The following SRPK2 variants were observed in gnomAD, a reference collection of about 807,000 sequenced individuals.
The protein encoded by SRPK2 is SFRS protein kinase 2.
In SRPK2, 21 loss-of-function variants were observed where a neutral mutation model predicts 90.8. That is an observed-to-expected ratio of 0.23 (90% CI 0.16 to 0.33). The LOEUF (loss-of-function observed/expected upper bound fraction) is 0.33. Ranked by LOEUF, SRPK2 falls within the 10% of genes least tolerant of loss-of-function variation. SRPK2 has a pLI of 1.00. For missense variants in SRPK2, 620 were observed against 869.0 expected (o/e 0.71, Z 3.60); for synonymous variants, 288 against 311.1 (o/e 0.93, Z 0.78).
intron 11 of SRPK2, among the ~76,000 whole-genome samples, chr7:105,133,912 A>G (rs1562966195): frequency 6.6e-6 from 1 of 152,090 alleles, no homozygotes; most frequent in Non-Finnish European, 1.5e-5. Flanking sequence ...TTCTCAAACA[A>G]GTTCAGATCA....
chr7:105,355,675 A>C (rs1223740169), intron 2 of SRPK2, among the ~76,000 whole-genome samples: 1 of 152,116 alleles, frequency 6.6e-6, no homozygotes, highest in African/African-American at 2.4e-5. Context: ...AGAAAATCCA[A>C]ATCAACCCTG....
intron 2 of SRPK2, among the ~76,000 whole-genome samples, chr7:105,383,052 AATTTTTTTTTTTTTT>A (rs1821134454): frequency 1.9e-5 from 2 of 105,322 alleles, no homozygotes; most frequent in African/African-American, 3.8e-5. Flanking sequence ...CAAAAGTAAA[AATTTTTTTTTTTTTT>A]TTTTTTTTTT....
rs73405842 is a variant in SRPK2 at position 105,197,522 on chromosome 7, C to T, written c.229+6106G>A. Among the ~76,000 whole-genome samples, 442 of 152,252 alleles carry T rather than the reference C, an allele frequency of 2.9e-3. 2 individuals are homozygous for T. Among genetic ancestry groups the T allele is most frequent in the African/African-American group, 0.01 (426 of 41,540 alleles). ...CTGAACATCAGCACTCTGCCTATCC[C>T]GTACTTGCAACCCAACACTAGAGAA... On this transcript the variant is annotated intron_variant, in intron 3 of 15. Coordinates refer to ENST00000393651, the MANE Select transcript of SRPK2 (RefSeq NM_182692.3).
chr7:105,336,930 T>C (rs765224756), intron 2 of SRPK2, among the ~76,000 whole-genome samples: 3 of 151,934 alleles, frequency 2.0e-5, no homozygotes, highest in African/African-American at 7.2e-5. Flanking sequence ...GCCTCCCAAG[T>C]AGCTGGGATT....
chr7:105,287,410 C>G (rs1400081869), intron 2 of SRPK2, among the ~76,000 whole-genome samples: 1 of 151,334 alleles, frequency 6.6e-6, no homozygotes, highest in Non-Finnish European at 1.5e-5. Context: ...GGTACATATA[C>G]ATGTGTATAT....
At chr7:105,168,613 G>GT (rs1256643538) in intron 4 of SRPK2, among the ~76,000 whole-genome samples, 1 of 151,734 alleles carries the variant, frequency 6.6e-6, no homozygotes, top group South Asian at 2.1e-4. Flanking sequence ...GTTTTGTTTT[G>GT]TTTTTTCCCT....
intron 11 of SRPK2, 47 bp downstream of exon 11, chr7:105,141,961 T>A: frequency 6.4e-7 from 1 of 1,569,020 alleles, no homozygotes; most frequent in East Asian, 2.2e-5. Flanking sequence ...TAAAGGCACG[T>A]CCCTGGAGTC....
chr7:105,260,305 G>C (rs1004026846), intron 2 of SRPK2, among the ~76,000 whole-genome samples: 63 of 152,204 alleles, frequency 4.1e-4, no homozygotes, highest in African/African-American at 1.5e-3. Flanking sequence ...CTGGTCATCA[G>C]AGAAATGCAA....
chr7:105,346,759 A>G (rs1816506858), intron 2 of SRPK2, among the ~76,000 whole-genome samples: 1 of 151,928 alleles, frequency 6.6e-6, no homozygotes, highest in Admixed American at 6.6e-5. Context: ...CTCCATCTCA[A>G]AAAAAACAAG....
At chr7:105,175,277 C>T (rs979204935) in intron 3 of SRPK2, among the ~76,000 whole-genome samples, 19 of 151,638 alleles carry the variant, frequency 1.3e-4, no homozygotes, top group Admixed American at 1.2e-3. Flanking sequence ...CAAAAATAAC[C>T]CATGGGATAA....
intron 13 of SRPK2, among the ~76,000 whole-genome samples, chr7:105,129,668 CTGGGCCTAAGT>C (rs1341915077): frequency 3.3e-5 from 5 of 152,194 alleles, no homozygotes; most frequent in Non-Finnish European, 7.3e-5. Flanking sequence ...CATCACCTCG[CTGGGCCTAAGT>C]ATAATCTTTA....
intron 2 of SRPK2, among the ~76,000 whole-genome samples, chr7:105,338,491 A>G (rs376457294): frequency 1.9e-4 from 29 of 152,252 alleles, no homozygotes; most frequent in African/African-American, 6.7e-4. Flanking sequence ...AGGTGGATCC[A>G]CCTCAGGTGA....
At chr7:105,325,289 C>G (rs1726032532) in intron 2 of SRPK2, among the ~76,000 whole-genome samples, 1 of 152,094 alleles carries the variant, frequency 6.6e-6, no homozygotes, top group South Asian at 2.1e-4. Flanking sequence ...AAACACATTT[C>G]TCTAGCTCTT....
intron 3 of SRPK2, among the ~76,000 whole-genome samples, chr7:105,176,741 GTGTGTA>G (rs1791985608): frequency 1.1e-5 from 1 of 91,322 alleles, no homozygotes; most frequent in East Asian, 3.5e-4. Context: ...ATGTATGTAT[GTGTGTA>G]TATGTGTGTG....
intron 3 of SRPK2, among the ~76,000 whole-genome samples, chr7:105,174,083 A>T (rs992228408): frequency 4.1e-5 from 2 of 48,686 alleles, no homozygotes; most frequent in South Asian, 9.8e-4. Context: ...TGTCTCTAAT[A>T]AAAAAAAAAA....
chr7:105,328,815 A>C lies in SRPK2; in HGVS notation c.71+59833T>G, dbSNP rs1715940871. Among the ~76,000 whole-genome samples the C allele has an allele frequency of 2.0e-5, 3 of 149,288 alleles. No individual in the cohort carries two copies. In the South Asian group the frequency reaches 6.4e-4, roughly 32 times the overall value. On this transcript the variant is annotated intron_variant, in intron 2 of 15. Transcript: ENST00000393651. Reference sequence around the variant, plus strand: ...GGGAGGCAGAGCTTGCAGTGAGCCGAGATTGTGCCACTGCACTCCAGCCTG... The same window carrying C: ...GGGAGGCAGAGCTTGCAGTGAGCCGCGATTGTGCCACTGCACTCCAGCCTG...
intron 15 of SRPK2, among the ~76,000 whole-genome samples, chr7:105,120,625 G>A (rs985097051): frequency 6.6e-6 from 1 of 151,090 alleles, no homozygotes; most frequent in Non-Finnish European, 1.5e-5. Context: ...GAGCAGCACT[G>A]CAATATAACA....
intron 2 of SRPK2, among the ~76,000 whole-genome samples, chr7:105,276,180 C>T (rs1440424405): frequency 6.6e-6 from 1 of 151,778 alleles, no homozygotes; most frequent in Non-Finnish European, 1.5e-5. Context: ...CTCCTGGGCT[C>T]AAGCAATCCT....
intron 2 of SRPK2, among the ~76,000 whole-genome samples, chr7:105,344,046 G>A (rs1816153449): frequency 6.6e-6 from 1 of 152,010 alleles, no homozygotes; most frequent in South Asian, 2.1e-4. Flanking sequence ...TTATAGGTGC[G>A]AGCGACCACG....
Sources: allele counts gnomAD v4.1 joint callset (sites outside exome capture counted in the v4.1 genomes callset), GRCh38; gene constraint gnomAD v4.1.1; transcripts MANE v1.5; gene names NCBI Gene and HGNC (gene_info 2026-07-23, HGNC 2026-07-21).